SDK1: variants seen among roughly 807,000 people sequenced by gnomAD.
SDK1 encodes sidekick cell adhesion molecule 1, also known as protein sidekick-1.
A neutral mutation model predicts 245.5 loss-of-function variants in SDK1; 157 were observed. The ratio of observed to expected loss-of-function variants is 0.64; its 90% CI spans 0.56 to 0.73. The LOEUF (loss-of-function observed/expected upper bound fraction) is 0.73, where lower values mean the gene tolerates loss of function less well. Ranked by LOEUF, SDK1 falls within the 30% of genes least tolerant of loss-of-function variation. The pLI is 0.00. For missense variants in SDK1, 3,583 were observed against 3,002.3 expected (o/e 1.19, Z -4.52); for synonymous variants, 1,647 against 1,278.5 (o/e 1.29, Z -6.15).
At chr7:4,021,893 C>T (rs558519704) in intron 17 of SDK1, among the ~76,000 whole-genome samples, 2 of 152,190 alleles carry the variant, frequency 1.3e-5, no homozygotes, top group Non-Finnish European at 2.9e-5. Context: ...CCTGGCTTGC[C>T]TCACACAGAA....
At chr7:3,951,545 A>T (rs1437217667) in intron 6 of SDK1, among the ~76,000 whole-genome samples, 185 bp from the exon 7 acceptor site, 1 of 152,206 alleles carries the variant, frequency 6.6e-6, no homozygotes, top group African/African-American at 2.4e-5. Context: ...AGCAGAATGC[A>T]TCGTCAATGC....
chr7:4,139,653 G>GTGTGTATATGTATATA (rs1562872477), intron 28 of SDK1, among the ~76,000 whole-genome samples: 2 of 129,564 alleles, frequency 1.5e-5, no homozygotes, highest in African/African-American at 5.8e-5. Flanking sequence ...GTGTATATGT[G>GTGTGTATATGTATATA]TGTGTGTATA....
intron 4 of SDK1, among the ~76,000 whole-genome samples, chr7:3,652,599 C>T (rs1489711128): frequency 5.9e-5 from 9 of 152,118 alleles, no homozygotes. Context: ...AGAGTGAGGG[C>T]TGGTGTGAGA....
At chr7:3,505,800 C>T (rs1353174670) in intron 1 of SDK1, among the ~76,000 whole-genome samples, 1 of 152,136 alleles carries the variant, frequency 6.6e-6, no homozygotes, top group Non-Finnish European at 1.5e-5. Context: ...GCACATTCTG[C>T]AGGGACAACT....
At chr7:4,156,426 A>G (rs565537367) in intron 30 of SDK1, among the ~76,000 whole-genome samples, 36 of 152,164 alleles carry the variant, frequency 2.4e-4, no homozygotes, top group Non-Finnish European at 3.7e-4. Flanking sequence ...TAAAGCTGGG[A>G]CCAAGGCCAG....
intron 4 of SDK1, among the ~76,000 whole-genome samples, chr7:3,646,539 C>A (rs1782842240): frequency 6.6e-6 from 1 of 152,184 alleles, no homozygotes; most frequent in South Asian, 2.1e-4. Flanking sequence ...TTACTTACCC[C>A]AGGGCCCCCA....
chr7:3,765,772 AT>A (rs1010820385), intron 4 of SDK1, among the ~76,000 whole-genome samples: 7 of 152,024 alleles, frequency 4.6e-5, no homozygotes, highest in African/African-American at 4.8e-5. Flanking sequence ...CATTATATTG[AT>A]TTTTTTTAAA....
chr7:4,213,306 C>G (rs949963271), intron 38 of SDK1, among the ~76,000 whole-genome samples: 9 of 151,548 alleles, frequency 5.9e-5, no homozygotes, highest in African/African-American at 2.2e-4. Flanking sequence ...CCAGCTACTC[C>G]AGAGGCTGAG....
chr7:3,809,630 C>G (rs1779335492), intron 4 of SDK1, among the ~76,000 whole-genome samples: 1 of 152,228 alleles, frequency 6.6e-6, no homozygotes, highest in Non-Finnish European at 1.5e-5. Context: ...AAGCAGTTCA[C>G]TCTGCTCATA....
chr7:3,615,225 CATT>C (rs1781729288), intron 1 of SDK1, among the ~76,000 whole-genome samples: 1 of 151,552 alleles, frequency 6.6e-6, no homozygotes, highest in African/African-American at 2.4e-5. Context: ...AATGGCCAGA[CATT>C]AATAAAGCCT....
chr7:3,499,554 A>C (rs1327086692), intron 1 of SDK1, among the ~76,000 whole-genome samples: 1 of 152,212 alleles, frequency 6.6e-6, no homozygotes, highest in African/African-American at 2.4e-5. Flanking sequence ...TAAACACGTC[A>C]GGTTTGCTAG....
chr7:3,559,757 CAA>C (rs11424233), intron 1 of SDK1, among the ~76,000 whole-genome samples: 35,037 of 127,462 alleles, frequency 0.27, 4,215 homozygotes, highest in East Asian at 0.38. Context: ...TGTATTTTTT[CAA>C]AAAAAAAAAA....
intron 1 of SDK1, among the ~76,000 whole-genome samples, chr7:3,344,269 T>C (rs1780434516): frequency 1.3e-5 from 2 of 152,214 alleles, no homozygotes; most frequent in Non-Finnish European, 2.9e-5. Flanking sequence ...TATCCTAATT[T>C]TTCATCTGAA....
chr7:3,396,813 C>T (rs999159584), intron 1 of SDK1, among the ~76,000 whole-genome samples: 1 of 151,560 alleles, frequency 6.6e-6, no homozygotes, highest in African/African-American at 2.4e-5. Flanking sequence ...TGTTAATCTG[C>T]ACCTTTTGAT....
At chr7:4,150,542 A>G (rs1399838025) in intron 30 of SDK1, among the ~76,000 whole-genome samples, 2 of 152,224 alleles carry the variant, frequency 1.3e-5, no homozygotes, top group Non-Finnish European at 2.9e-5. Flanking sequence ...AGGTCAGAAA[A>G]GTCGGTCATT....
At chr7:4,178,444 G>A (rs372336141) in intron 34 of SDK1, 41 bp from the exon 35 acceptor site, 51 of 1,428,008 alleles carry the variant, frequency 3.6e-5, no homozygotes, top group Non-Finnish European at 4.9e-5. Flanking sequence ...AGAGAAGGTG[G>A]TCCTGGTGGA....
chr7:3,499,235 A>G (rs1782118347), intron 1 of SDK1, among the ~76,000 whole-genome samples: 2 of 152,160 alleles, frequency 1.3e-5, no homozygotes, highest in South Asian at 4.1e-4. Flanking sequence ...CATTTTTTGT[A>G]TTGATTTAAT....
intron 1 of SDK1, among the ~76,000 whole-genome samples, chr7:3,404,909 TTTG>T (rs1779008131): frequency 6.6e-6 from 1 of 152,132 alleles, no homozygotes; most frequent in Non-Finnish European, 1.5e-5. Context: ...GGTCTTAATG[TTTG>T]TATTAAGTAA....
intron 1 of SDK1, among the ~76,000 whole-genome samples, chr7:3,586,558 A>G (rs934555590): frequency 3.3e-5 from 5 of 151,290 alleles, no homozygotes; most frequent in African/African-American, 1.2e-4. Flanking sequence ...AAAAAAAATT[A>G]GCTGGGCATT....
Sources: gnomAD v4.1 joint callset for allele counts (sites outside exome capture counted in the v4.1 genomes callset) on GRCh38, gnomAD v4.1.1 for gene constraint, MANE v1.5 for transcripts, NCBI Gene and HGNC (gene_info 2026-07-23, HGNC 2026-07-21) for gene names.